FRMD4A: variants seen among roughly 807,000 people sequenced by gnomAD.
FRMD4A encodes FERM domain containing 4A, also known as FERM domain-containing protein 4A.
A neutral mutation model predicts 129.1 loss-of-function variants in FRMD4A; 29 were observed. The ratio of observed to expected loss-of-function variants is 0.22; its 90% confidence interval spans 0.17 to 0.31. The LOEUF (loss-of-function observed/expected upper bound fraction) is 0.31. Among genes scored for constraint, FRMD4A ranks in the 10% least tolerant of loss-of-function variants. FRMD4A has a pLI of 1.00. For missense variants in FRMD4A, 1,272 were observed against 1,375.8 expected (o/e 0.92, Z 1.19); for synonymous variants, 634 against 571.6 (o/e 1.11, Z -1.56).
At chr10:14,176,343 C>A (rs554742419) in intron 2 of FRMD4A, among the ~76,000 whole-genome samples, 2 of 152,268 alleles carry the variant, frequency 1.3e-5, no homozygotes, top group Admixed American at 6.5e-5. Flanking sequence ...ATGTGACTTC[C>A]ATTTCCAGTT....
chr10:13,795,458 T>G (rs1253503598), intron 5 of FRMD4A, among the ~76,000 whole-genome samples: 1 of 152,240 alleles, frequency 6.6e-6, no homozygotes, highest in African/African-American at 2.4e-5. Context: ...TAACTCTTGT[T>G]TGAAGCCCTT....
At chr10:14,142,763 A>G (rs975500946) in intron 2 of FRMD4A, among the ~76,000 whole-genome samples, 5 of 152,220 alleles carry the variant, frequency 3.3e-5, no homozygotes, top group Admixed American at 2.6e-4. Flanking sequence ...CTGAACTTGG[A>G]TCTTCCCACT....
intron 2 of FRMD4A, among the ~76,000 whole-genome samples, chr10:13,930,324 A>C (rs2698122): frequency 1 from 151,612 of 152,286 alleles, 75,472 homozygotes; most frequent in Middle Eastern, 1. Context: ...GAATGGTAAT[A>C]AAGAGGTGAC....
intron 2 of FRMD4A, among the ~76,000 whole-genome samples, chr10:14,247,091 C>T (rs967313291): frequency 2.0e-4 from 31 of 152,244 alleles, no homozygotes; most frequent in Middle Eastern, 3.4e-3. Flanking sequence ...TCTTCTAGCG[C>T]GTGCACCAAT....
At chr10:14,014,653 A>G (rs991836528) in intron 2 of FRMD4A, among the ~76,000 whole-genome samples, 1 of 152,188 alleles carries the variant, frequency 6.6e-6, no homozygotes, top group African/African-American at 2.4e-5. Flanking sequence ...GAAACCCAAT[A>G]TCCGTAAGAA....
intron 2 of FRMD4A, among the ~76,000 whole-genome samples, chr10:14,281,781 T>G (rs1845527392): frequency 6.6e-6 from 1 of 152,216 alleles, no homozygotes; most frequent in Admixed American, 6.5e-5. Context: ...CTGTCTGCCT[T>G]CTGAGCCAAA....
intron 20 of FRMD4A, 123 bp from the exon 21 acceptor site, chr10:13,659,613 T>A: frequency 1.1e-6 from 1 of 944,244 alleles, no homozygotes; most frequent in Non-Finnish European, 1.6e-6. Flanking sequence ...CCCACCTCGC[T>A]TGGTCAGACC....
chr10:14,004,993 C>A (rs960812177), intron 2 of FRMD4A, among the ~76,000 whole-genome samples: 2 of 151,748 alleles, frequency 1.3e-5, no homozygotes, highest in Non-Finnish European at 2.9e-5. Flanking sequence ...CCATACCAAA[C>A]GTGGCATTTT....
At chr10:14,035,689 C>T (rs558553836) in intron 2 of FRMD4A, among the ~76,000 whole-genome samples, 2 of 152,148 alleles carry the variant, frequency 1.3e-5, no homozygotes, top group Non-Finnish European at 2.9e-5. Context: ...AGGATCCCAG[C>T]CTCGATCCAG....
At chr10:13,788,061 G>T (rs1050196848) in intron 5 of FRMD4A, among the ~76,000 whole-genome samples, 7 of 152,160 alleles carry the variant, frequency 4.6e-5, no homozygotes, top group African/African-American at 1.7e-4. Context: ...CAGAGGGTCT[G>T]CATGGACAGT....
chr10:14,324,612 T>C (rs1250123507), intron 2 of FRMD4A, among the ~76,000 whole-genome samples: 1 of 152,118 alleles, frequency 6.6e-6, no homozygotes, highest in Non-Finnish European at 1.5e-5. Context: ...TTCAAACATA[T>C]GCATGAACCA....
At chr10:13,698,398 C>G (rs1228957438) in intron 14 of FRMD4A, among the ~76,000 whole-genome samples, 5 of 152,190 alleles carry the variant, frequency 3.3e-5, no homozygotes, top group Non-Finnish European at 7.3e-5. Context: ...TTATGAAGCT[C>G]TCTGTCCCAG....
chr10:13,870,000 A>T (rs556676315), intron 2 of FRMD4A, among the ~76,000 whole-genome samples: 1 of 152,296 alleles, frequency 6.6e-6, no homozygotes, highest in East Asian at 1.9e-4. Context: ...ACTGGATTGT[A>T]TTATTATTAT....
chr10:13,873,614 T>C (rs1013845071), intron 2 of FRMD4A, among the ~76,000 whole-genome samples: 14 of 152,198 alleles, frequency 9.2e-5, no homozygotes, highest in African/African-American at 3.4e-4. Context: ...TGGTACGATC[T>C]CAGCTCACTG....
At position 14,025,421 on chromosome 10, in the gene FRMD4A, T is replaced by C. The variant is rs529441966; in HGVS notation, c.46-166509A>G. Among the ~76,000 whole-genome samples, 28 of 152,330 alleles carry C rather than the reference T, an allele frequency of 1.8e-4. No individual in the cohort carries two copies. In the East Asian group the frequency reaches 5.2e-3, roughly 28 times the overall value. On this transcript the variant is annotated intron_variant, in intron 2 of 24. Coordinates refer to ENST00000357447, the MANE Select transcript of FRMD4A (RefSeq NM_018027.5). ...GTGTTAAGTACATTCACCTTGTACT[T>C]GGTTCACATTGTACTGGAATAAACA... is the stretch of plus-strand genomic sequence containing the variant.
intron 16 of FRMD4A, among the ~76,000 whole-genome samples, chr10:13,671,629 T>A (rs904630417): frequency 1.4e-4 from 21 of 152,196 alleles, no homozygotes; most frequent in African/African-American, 4.8e-4. Context: ...GGTTAAAGGC[T>A]AAGGATCTGG....
At chr10:14,109,017 T>C (rs987960958) in intron 2 of FRMD4A, among the ~76,000 whole-genome samples, 1 of 152,138 alleles carries the variant, frequency 6.6e-6, no homozygotes, top group African/African-American at 2.4e-5. Context: ...TAACATTCAA[T>C]TTACCACCTT....
At chr10:13,981,228 G>T (rs565862087) in intron 2 of FRMD4A, among the ~76,000 whole-genome samples, 1 of 152,310 alleles carries the variant, frequency 6.6e-6, no homozygotes, top group East Asian at 1.9e-4. Flanking sequence ...ACTATCATGG[G>T]TTGGAGGTCC....
chr10:14,142,995 G>A (rs1182316182), intron 2 of FRMD4A, among the ~76,000 whole-genome samples: 1 of 152,166 alleles, frequency 6.6e-6, no homozygotes, highest in Non-Finnish European at 1.5e-5. Context: ...AATAACAAGT[G>A]TTGGCAGGGA....
Sources: allele counts gnomAD v4.1 joint callset (sites outside exome capture counted in the v4.1 genomes callset), GRCh38; gene constraint gnomAD v4.1.1; transcripts MANE v1.5; gene names NCBI Gene and HGNC (gene_info 2026-07-23, HGNC 2026-07-21).